The following MAGED1 variants were observed in gnomAD, a reference collection of about 807,000 sequenced individuals.
MAGED1 encodes the protein MAGE family member D1, also known as melanoma-associated antigen D1.
Under a neutral mutation model 54.1 loss-of-function variants are expected in MAGED1, and 3 were observed. The ratio of observed to expected loss-of-function variants is 0.06; its 90% CI spans 0.03 to 0.14. The LOEUF is 0.14. Ranked by LOEUF, MAGED1 falls within the 10% of genes least tolerant of loss-of-function variation. MAGED1 has a pLI of 1.00. For missense variants in MAGED1, 485 were observed against 623.4 expected (o/e 0.78, Z 2.36); for synonymous variants, 217 against 227.3 (o/e 0.95, Z 0.41).
intron 1 of MAGED1, among the ~76,000 whole-genome samples, chrX:51,831,018 C>T (rs965815919): frequency 2.7e-5 from 3 of 111,277 alleles, no homozygotes; most frequent in African/African-American, 9.8e-5. Flanking sequence ...CGTGCCACCA[C>T]GCCCAGCTAA....
rs1928607941 is a variant in MAGED1 at position 51,894,490 on chromosome X, G to A, written c.45+141G>A. Reference sequence around the variant, plus strand: ...TCCGTGGGCTTTTCGAATTCCCATCGTTTATCGAAGGGGGGGAGGGGCGTC... The same window carrying A: ...TCCGTGGGCTTTTCGAATTCCCATCATTTATCGAAGGGGGGGAGGGGCGTC... On this transcript the variant is annotated intron_variant, in intron 2 of 12. Transcript: ENST00000326587. The A allele has an allele frequency of 3.7e-6, 3 of 812,462 alleles. No individual in the cohort carries two copies. In the East Asian group the frequency reaches 1.0e-4, roughly 28 times the overall value. The allele number at this position is 812,462 out of a possible 1,213,427, so 67.0% of individuals were successfully genotyped here. A position where few individuals can be genotyped will look rare whatever the true frequency, so the allele number is the denominator to read the frequency against.
chrX:51,820,194 A>G (rs1473057544), intron 1 of MAGED1, among the ~76,000 whole-genome samples: 1 of 111,880 alleles, frequency 8.9e-6, no homozygotes, highest in African/African-American at 3.2e-5. Flanking sequence ...GTAAGTTTTG[A>G]TATTGGGAAG....
At chrX:51,847,744 C>A (rs1926738068) in intron 1 of MAGED1, among the ~76,000 whole-genome samples, 1 of 111,807 alleles carries the variant, frequency 8.9e-6, no homozygotes, top group African/African-American at 3.3e-5. Flanking sequence ...CCGGGGGACC[C>A]TCCTCCTATC....
intron 1 of MAGED1, among the ~76,000 whole-genome samples, chrX:51,832,485 C>A (rs182555209): frequency 5.4e-5 from 6 of 111,143 alleles, no homozygotes; most frequent in African/African-American, 2.0e-4. Context: ...CTCTTAGCCT[C>A]TGGTAACCAT....
At chrX:51,838,661 C>A (rs12853137) in intron 1 of MAGED1, among the ~76,000 whole-genome samples, 30,552 of 110,840 alleles carry the variant, frequency 0.28, 3,149 homozygotes, top group Middle Eastern at 0.33. Context: ...TTTACTAATA[C>A]AGAGCTGAAG....
rs141622487 is a variant in MAGED1 at position 51,873,300 on chromosome X, G to A, written c.-36-20969G>A. 2.4e-3 allele frequency among the ~76,000 whole-genome samples: 267 copies of A among 110,805 alleles called. 6 individuals are homozygous for A. In the East Asian group the frequency reaches 0.064, roughly 27 times the overall value. Reference sequence around the variant, plus strand: ...CTCCATGATCCAGTCACCTCCCACCGGGTCCCTCCCTTGACATGTGGGGAT... The same window carrying A: ...CTCCATGATCCAGTCACCTCCCACCAGGTCCCTCCCTTGACATGTGGGGAT... On this transcript the variant is annotated intron_variant, in intron 1 of 12. Transcript: ENST00000375772.
intron 1 of MAGED1, among the ~76,000 whole-genome samples, chrX:51,807,022 C>T (rs1233462668): frequency 9.0e-6 from 1 of 111,091 alleles, no homozygotes; most frequent in Non-Finnish European, 1.9e-5. Flanking sequence ...CTCCTGACCT[C>T]GTGATTCTCC....
chrX:51,805,965 C>CTTTTTTTTTTTT (rs57427122), intron 1 of MAGED1, among the ~76,000 whole-genome samples: 2 of 36,948 alleles, frequency 5.4e-5, no homozygotes, highest in African/African-American at 1.1e-4. Context: ...CTTTTCTTTT[C>CTTTTTTTTTTTT]TTTTTTTTTT....
upstream of MAGED1, among the ~76,000 whole-genome samples, chrX:51,890,610 C>A (rs192459790): frequency 9.0e-6 from 1 of 111,283 alleles, no homozygotes; most frequent in African/African-American, 3.3e-5. Flanking sequence ...CGAAATACAT[C>A]TGGCCCCAAG....
rs932715837 is a variant in MAGED1 at position 51,854,515 on chromosome X, A to G, written c.-36-39754A>G. ...AAGGCACCTTGTCATGGTGACAAATACAGGAGCTTTGGAGCCAGACCCACT... is the reference window on the plus strand; with the variant it reads ...AAGGCACCTTGTCATGGTGACAAATGCAGGAGCTTTGGAGCCAGACCCACT... On this transcript the variant is annotated intron_variant, in intron 1 of 12. Coordinates refer to the MAGED1 transcript ENST00000375772. Among the ~76,000 whole-genome samples the G allele has an allele frequency of 2.7e-5, 3 of 111,571 alleles. No homozygotes were observed. In the Admixed American group the frequency reaches 2.8e-4, roughly 11 times the overall value.
intron 1 of MAGED1, among the ~76,000 whole-genome samples, chrX:51,886,055 T>C (rs782237996): frequency 3.0e-5 from 3 of 98,628 alleles, no homozygotes; most frequent in Non-Finnish European, 4.0e-5. Context: ...TTCTCACTTA[T>C]ATGCAGGAGC....
intron 1 of MAGED1, among the ~76,000 whole-genome samples, chrX:51,855,356 C>T (rs1287863620): frequency 8.9e-6 from 1 of 111,865 alleles, no homozygotes; most frequent in African/African-American, 3.2e-5. Context: ...AAATACTATT[C>T]AGTAATTGAT....
At chrX:51,894,549 G>T (rs1928613336) in intron 2 of MAGED1, 200 bp downstream of exon 2, 1 of 939,969 alleles carries the variant, frequency 1.1e-6, no homozygotes, top group Admixed American at 2.9e-5. Flanking sequence ...TCAGAGAGAG[G>T]GGAGACCCTG....
intron 1 of MAGED1, among the ~76,000 whole-genome samples, chrX:51,867,873 G>A (rs5991739): frequency 0.28 from 31,263 of 111,191 alleles, 3,287 homozygotes; most frequent in Non-Finnish European, 0.32. Context: ...GCTCAGTGAT[G>A]TATTCAGTAT....
intron 1 of MAGED1, among the ~76,000 whole-genome samples, chrX:51,858,430 T>G (rs1927164190): frequency 8.9e-6 from 1 of 112,437 alleles, no homozygotes; most frequent in South Asian, 3.7e-4. Flanking sequence ...AGACTCTACA[T>G]TGGGTTCTAT....
At chrX:51,857,040 C>T (rs1557360269) in intron 1 of MAGED1, 1 of 111,388 alleles carries the variant, frequency 9.0e-6, no homozygotes, top group Non-Finnish European at 1.9e-5. Context: ...AGCCCTTTGT[C>T]AGTGTTCAAG....
At chrX:51,829,841 G>C (rs150276297) in intron 1 of MAGED1, among the ~76,000 whole-genome samples, 14,209 of 111,104 alleles carry the variant, frequency 0.13, 762 homozygotes, top group Middle Eastern at 0.18. Context: ...GGAAACAGTA[G>C]TCTTCATATA....
At chrX:51,878,530 G>A (rs199829430) in intron 1 of MAGED1, among the ~76,000 whole-genome samples, 5 of 111,086 alleles carry the variant, frequency 4.5e-5, no homozygotes, top group African/African-American at 1.3e-4. Context: ...CCATAGGAAC[G>A]CATTTGATAT....
intron 1 of MAGED1, among the ~76,000 whole-genome samples, chrX:51,817,189 C>A (rs1430157029): frequency 9.0e-6 from 1 of 111,482 alleles, no homozygotes; most frequent in Admixed American, 9.4e-5. Flanking sequence ...AGGACTATAC[C>A]CCCAGTTAAA....
Sources: gnomAD v4.1 joint callset for allele counts (sites outside exome capture counted in the v4.1 genomes callset) on GRCh38, gnomAD v4.1.1 for gene constraint, MANE v1.5 for transcripts, NCBI Gene and HGNC (gene_info 2026-07-23, HGNC 2026-07-21) for gene names.